The following GALNT13 variants were observed in gnomAD, a reference collection of about 807,000 sequenced individuals.
GALNT13 encodes polypeptide N-acetylgalactosaminyltransferase 13.
A neutral mutation model predicts 64.2 loss-of-function variants in GALNT13; 28 were observed. The observed-to-expected ratio is 0.44, with a 90% CI of 0.32 to 0.60. The LOEUF (loss-of-function observed/expected upper bound fraction) is 0.60. Ranked by LOEUF, GALNT13 falls within the 20% of genes least tolerant of loss-of-function variation. The pLI, the probability that GALNT13 is intolerant of heterozygous loss-of-function variation, is 0.05. For synonymous variants in GALNT13, 214 were observed against 224.6 expected (o/e 0.95, Z 0.42); for missense variants, 577 against 669.8 (o/e 0.86, Z 1.53).
At chr2:153,951,982 T>G (rs1485052350) in intron 3 of GALNT13, among the ~76,000 whole-genome samples, 1 of 152,112 alleles carries the variant, frequency 6.6e-6, no homozygotes, top group Non-Finnish European at 1.5e-5. Context: ...CCATGAATGC[T>G]ATTTGTTTTT....
the GALNT13 span, among the ~76,000 whole-genome samples, chr2:153,822,075 T>C: frequency 6.6e-6 from 1 of 152,022 alleles, no homozygotes; most frequent in Admixed American, 6.6e-5. Flanking sequence ...AGCTCCAAAA[T>C]AGAATCAGTA....
chr2:153,813,593 C>T, the GALNT13 span, among the ~76,000 whole-genome samples: 1,024 of 151,974 alleles, frequency 6.7e-3, 7 homozygotes, highest in African/African-American at 0.023. Flanking sequence ...TTAGAAAAGA[C>T]CTCAGAGGCC....
chr2:153,996,431 GT>G (rs1695527927), intron 3 of GALNT13, among the ~76,000 whole-genome samples: 1 of 152,038 alleles, frequency 6.6e-6, no homozygotes, highest in South Asian at 2.1e-4. Context: ...GATGATGAGT[GT>G]TGTTAAGCGT....
the GALNT13 span, among the ~76,000 whole-genome samples, chr2:153,263,066 T>C: frequency 6.6e-6 from 1 of 152,130 alleles, no homozygotes; most frequent in African/African-American, 2.4e-5. Context: ...CAACCCCAAA[T>C]CTTCTTAACC....
chr2:154,238,938 A>G (rs1689336742), intron 4 of GALNT13, among the ~76,000 whole-genome samples: 1 of 152,070 alleles, frequency 6.6e-6, no homozygotes, highest in African/African-American at 2.4e-5. Context: ...TTAGATCTCC[A>G]GAAGTTATTC....
the GALNT13 span, among the ~76,000 whole-genome samples, chr2:153,258,861 G>T: frequency 2.6e-4 from 39 of 152,182 alleles, no homozygotes; most frequent in African/African-American, 8.9e-4. Flanking sequence ...TTGTTTTGTT[G>T]CCTAACATAT....
chr2:153,680,084 A>G, the GALNT13 span, among the ~76,000 whole-genome samples: 1 of 151,922 alleles, frequency 6.6e-6, no homozygotes, highest in Non-Finnish European at 1.5e-5. Context: ...AGGGTAGACA[A>G]CATGCTTCAT....
At chr2:153,618,504 G>C in the GALNT13 span, among the ~76,000 whole-genome samples, 4 of 151,606 alleles carry the variant, frequency 2.6e-5, no homozygotes, top group Non-Finnish European at 5.9e-5. Flanking sequence ...TGCAGCTCTT[G>C]GATAAAATGC....
chr2:153,727,220 T>C, the GALNT13 span, among the ~76,000 whole-genome samples: 1 of 152,224 alleles, frequency 6.6e-6, no homozygotes, highest in Non-Finnish European at 1.5e-5. Flanking sequence ...TGGTTTTGCC[T>C]GTTTGGGAGC....
chr2:154,228,611 G>A (rs187796296), intron 4 of GALNT13, among the ~76,000 whole-genome samples: 1 of 152,268 alleles, frequency 6.6e-6, no homozygotes, highest in Admixed American at 6.6e-5. Context: ...AAGGAAGAAG[G>A]CTTTAATTGG....
chr2:154,394,234 T>G (rs1698953865), intron 9 of GALNT13, among the ~76,000 whole-genome samples: 1 of 152,130 alleles, frequency 6.6e-6, no homozygotes, highest in African/African-American at 2.4e-5. Flanking sequence ...CACTGTCCAT[T>G]TTTTAATGAC....
the GALNT13 span, among the ~76,000 whole-genome samples, chr2:153,743,966 C>T: frequency 6.6e-6 from 1 of 152,080 alleles, no homozygotes; most frequent in Non-Finnish European, 1.5e-5. Context: ...AGCATCATGA[C>T]CTCCAGTTCC....
chr2:154,157,022 C>T (rs1170951067), intron 4 of GALNT13, among the ~76,000 whole-genome samples: 1 of 152,278 alleles, frequency 6.6e-6, no homozygotes. Flanking sequence ...GGCTTCAATG[C>T]TGTCCATCAG....
chr2:153,848,777 T>C, the GALNT13 span, among the ~76,000 whole-genome samples: 8,133 of 151,970 alleles, frequency 0.054, 260 homozygotes, highest in East Asian at 0.13. Context: ...ATATGAAGCA[T>C]TTATGGCAAA....
intron 3 of GALNT13, among the ~76,000 whole-genome samples, chr2:153,981,999 GC>G (rs1186054650): frequency 6.6e-6 from 1 of 151,940 alleles, no homozygotes; most frequent in African/African-American, 2.4e-5. Context: ...GCTATGAAGG[GC>G]AAATAATTAC....
At chr2:154,171,971 TACACAC>T (rs57343446) in intron 4 of GALNT13, among the ~76,000 whole-genome samples, 46,252 of 144,142 alleles carry the variant, frequency 0.32, 7,526 homozygotes, top group Middle Eastern at 0.5. Flanking sequence ...TTCTTTCTCA[TACACAC>T]ACACACACAC....
At chr2:154,403,811 C>T (rs924436297) in intron 10 of GALNT13, among the ~76,000 whole-genome samples, 8 of 152,172 alleles carry the variant, frequency 5.3e-5, no homozygotes, top group Non-Finnish European at 8.8e-5. Context: ...CTTGCTCCTT[C>T]CAGGCCTCCG....
intron 9 of GALNT13, among the ~76,000 whole-genome samples, chr2:154,368,171 AT>A (rs1697478539): frequency 1.4e-5 from 2 of 146,990 alleles, no homozygotes; most frequent in African/African-American, 2.5e-5. Flanking sequence ...TAAAAAAAAA[AT>A]TCTCTGGCTC....
chr2:153,211,235 C>T, the GALNT13 span, among the ~76,000 whole-genome samples: 4 of 151,802 alleles, frequency 2.6e-5, no homozygotes, highest in Admixed American at 6.6e-5. Context: ...CTCAGCCTCC[C>T]GGGTTCAAGC....
Sources: allele counts gnomAD v4.1 joint callset (sites outside exome capture counted in the v4.1 genomes callset), GRCh38; gene constraint gnomAD v4.1.1; transcripts MANE v1.5; gene names NCBI Gene and HGNC (gene_info 2026-07-23, HGNC 2026-07-21).